The following PLEKHA5 variants were observed in gnomAD, a reference collection of about 807,000 sequenced individuals.
PLEKHA5 encodes the protein pleckstrin homology domain containing A5, also known as pleckstrin homology domain-containing family A member 5.
A neutral mutation model predicts 181.9 loss-of-function variants in PLEKHA5; 55 were observed. The ratio of observed to expected loss-of-function variants is 0.30; its 90% confidence interval spans 0.24 to 0.38. PLEKHA5 has a LOEUF of 0.38. Among genes scored for constraint, PLEKHA5 ranks in the 10% least tolerant of loss-of-function variants. PLEKHA5 has a pLI of 1.00. For synonymous variants in PLEKHA5, 535 were observed against 529.4 expected (o/e 1.01, Z -0.15); for missense variants, 1,432 against 1,549.5 (o/e 0.92, Z 1.27).
At position 19,322,625 on chromosome 12, in the gene PLEKHA5, T is replaced by G; in HGVS notation, c.2406T>G (p.Asn802Lys). Reference sequence around the variant, plus strand: ...TGTTACAAAGGGATGATTTACAAAATGGACTGCTTAGTACGTGTCGAGAAC... The same window carrying G: ...TGTTACAAAGGGATGATTTACAAAAGGGACTGCTTAGTACGTGTCGAGAAC... ...TVVLQRDDLQ[N>K]GLLSTCRELS... The change falls in exon 20 of 32, where the codon AAT (asparagine) becomes AAG (lysine). Residue 802 changes from asparagine (N) to lysine (K), a missense_variant. Transcript: ENST00000429027. 2 of 1,613,944 alleles carry G rather than the reference T, an allele frequency of 1.2e-6. No homozygotes were observed. The highest frequency in any genetic ancestry group is 4.5e-5 in the East Asian group (2 of 44,878).
rs372689202 is a variant in PLEKHA5, at chr12:19,353,865, C to T, written c.3020-19C>T. ...TATAAAAGATGTTTTGTAAAACTTA[C>T]TGCTGTTTTAATTTTTAGGTTCCCA... On this transcript the variant is annotated intron_variant, in intron 25 of 31. Transcript: ENST00000429027. 2.5e-5 allele frequency: 27 copies of T among 1,064,278 alleles called. No homozygotes were observed. Among genetic ancestry groups the T allele is most frequent in the Non-Finnish European group, 3.5e-5 (24 of 682,130 alleles). The allele number at this position is 1,064,278 out of a possible 1,614,324, so 65.9% of individuals were successfully genotyped here.
At chr12:19,218,893 A>T (rs1416515873) in intron 3 of PLEKHA5, among the ~76,000 whole-genome samples, 3 of 95,204 alleles carry the variant, frequency 3.2e-5, no homozygotes, top group East Asian at 2.4e-4. Flanking sequence ...GGCCACAAAT[A>T]ATTATTATTA....
chr12:19,270,838 AT>A (rs1305423595), intron 10 of PLEKHA5, among the ~76,000 whole-genome samples: 1 of 151,506 alleles, frequency 6.6e-6, no homozygotes, highest in East Asian at 1.9e-4. Flanking sequence ...GAAATTAGGG[AT>A]TGTTACAGTA....
intron 15 of PLEKHA5, among the ~76,000 whole-genome samples, chr12:19,300,298 C>G (rs2081113789): frequency 6.6e-6 from 1 of 152,132 alleles, no homozygotes; most frequent in Non-Finnish European, 1.5e-5. Context: ...TGGCTGCAGT[C>G]TTTGTTACCT....
intron 3 of PLEKHA5, among the ~76,000 whole-genome samples, chr12:19,157,209 A>G (rs528071603): frequency 6.6e-6 from 1 of 152,228 alleles, no homozygotes; most frequent in South Asian, 2.1e-4. Context: ...TAAAATTACA[A>G]AGAAAAAGTT....
intron 3 of PLEKHA5, chr12:19,207,475 A>G (rs961320083): frequency 6.6e-6 from 1 of 152,146 alleles, no homozygotes; most frequent in South Asian, 2.1e-4. Flanking sequence ...CATTACATTC[A>G]TCTGCTCATT....
Position 19,222,605 on chromosome 12 carries a change from G to A in PLEKHA5, c.228-31335G>A, listed in dbSNP as rs144777660. ...TCAATTAATAATATATAAATAAGAG[G>A]AAGTGGAAAGTCAGTACCGGAGAAA... On this transcript the variant is annotated intron_variant, in intron 3 of 31. Coordinates refer to ENST00000429027, the MANE Select transcript of PLEKHA5 (RefSeq NM_001256470.2). Among the ~76,000 whole-genome samples the A allele has an allele frequency of 1.3e-3, 205 of 152,246 alleles. 2 individuals carry two copies. The highest frequency in any genetic ancestry group is 4.6e-3 in the African/African-American group (193 of 41,550).
intron 3 of PLEKHA5, among the ~76,000 whole-genome samples, chr12:19,231,622 AAAGCTTGAGTTATTT>A (rs1565495172): frequency 1.1e-4 from 16 of 142,954 alleles, no homozygotes; most frequent in Middle Eastern, 3.5e-3. Flanking sequence ...AAATACTCAT[AAAGCTTGAGTTATTT>A]TATATTCATC....
Position 19,306,644 on chromosome 12 carries a change from G to A in PLEKHA5, c.2038-8170G>A, listed in dbSNP as rs2083803902. 12 of 1,240,750 alleles carry A rather than the reference G, an allele frequency of 9.7e-6. No individual in the cohort carries two copies. The South Asian group carries it at 1.3e-4, about 14-fold the overall frequency. The allele number at this position is 1,240,750 out of a possible 1,614,324, so 76.9% of individuals were successfully genotyped here. A position where few individuals can be genotyped will look rare whatever the true frequency, so the allele number is the denominator to read the frequency against. On this transcript the variant is annotated intron_variant, in intron 15 of 31. Transcript: ENST00000429027. ...CGGCGGTGGAGGCGGCGGCATCGAG[G>A]TAATAGGTGACTGATCTCCCCGGGC...
At chr12:19,254,679 C>T (rs557771538) in intron 4 of PLEKHA5, among the ~76,000 whole-genome samples, 3 of 152,120 alleles carry the variant, frequency 2.0e-5, no homozygotes, top group Non-Finnish European at 2.9e-5. Flanking sequence ...AAAAATTAGC[C>T]GGGCATGGTG....
chr12:19,161,050 CTG>C (rs2042848674), intron 3 of PLEKHA5, among the ~76,000 whole-genome samples: 2 of 152,078 alleles, frequency 1.3e-5, no homozygotes, highest in Admixed American at 6.5e-5. Flanking sequence ...ATGTCCAACA[CTG>C]TTTTGTTTAG....
chr12:19,342,939 C>T (rs1247825777), intron 21 of PLEKHA5, among the ~76,000 whole-genome samples: 3 of 152,104 alleles, frequency 2.0e-5, no homozygotes, highest in Non-Finnish European at 4.4e-5. Context: ...TGCCACATCT[C>T]CCCCTCCCAG....
At position 19,132,823 on chromosome 12, in the gene PLEKHA5, A is replaced by G. The variant is rs570139940; in HGVS notation, c.227+373A>G. ...TTCTGTGTATATTCCTGGGTAATAG[A>G]GGATTATTGGTCATTAGCTATGTGG... is the stretch of plus-strand genomic sequence containing the variant. On this transcript the variant is annotated intron_variant, in intron 3 of 31. Coordinates refer to ENST00000429027, the MANE Select transcript of PLEKHA5 (RefSeq NM_001256470.2). Among the ~76,000 whole-genome samples the G allele has an allele frequency of 2.4e-5, 3 of 125,116 alleles. No homozygotes were observed. The East Asian group carries it at 7.1e-4, about 30-fold the overall frequency. The allele number at this position is 125,116 out of a possible 152,430, so 82.1% of individuals were successfully genotyped here.
chr12:19,204,123 G>A (rs1184568495), intron 3 of PLEKHA5, among the ~76,000 whole-genome samples: 2 of 151,972 alleles, frequency 1.3e-5, no homozygotes, highest in Non-Finnish European at 2.9e-5. Context: ...ATGTTAAGAG[G>A]CAGGAGGGTA....
chr12:19,257,059 G>A (rs543679814), intron 5 of PLEKHA5, among the ~76,000 whole-genome samples: 53 of 152,088 alleles, frequency 3.5e-4, no homozygotes, highest in Admixed American at 1.5e-3. Flanking sequence ...CAGATATAAA[G>A]GGAAAAGTTC....
At chr12:19,261,166 C>T (rs780266954) in intron 7 of PLEKHA5, 145 bp downstream of exon 7, 63 of 493,070 alleles carry the variant, frequency 1.3e-4, no homozygotes, top group Non-Finnish European at 2.0e-4. Context: ...TCTCCTTTGA[C>T]ATATCATTCT....
At chr12:19,265,893 C>G (rs555116255) in intron 8 of PLEKHA5, 43 bp downstream of exon 8, 49 of 1,092,146 alleles carry the variant, frequency 4.5e-5, no homozygotes, top group Non-Finnish European at 6.0e-5. Flanking sequence ...TCAAAACTTG[C>G]GTTGGTTAAA....
intron 20 of PLEKHA5, among the ~76,000 whole-genome samples, chr12:19,334,041 A>C (rs568036258): frequency 6.6e-6 from 1 of 152,216 alleles, no homozygotes; most frequent in Non-Finnish European, 1.5e-5. Context: ...TTATCTTGCT[A>C]TATTAGCTTC....
chr12:19,186,383 G>A (rs556199698), intron 3 of PLEKHA5, among the ~76,000 whole-genome samples: 1 of 152,248 alleles, frequency 6.6e-6, no homozygotes, highest in Admixed American at 6.5e-5. Context: ...CAGTGAGGGT[G>A]ATTGTTTCTT....
Sources: allele counts gnomAD v4.1 joint callset (sites outside exome capture counted in the v4.1 genomes callset), GRCh38; gene constraint gnomAD v4.1.1; transcripts MANE v1.5; gene names NCBI Gene and HGNC (gene_info 2026-07-23, HGNC 2026-07-21).